The following LTN1 variants were observed in gnomAD, a reference collection of about 807,000 sequenced individuals.
LTN1 encodes E3 ubiquitin-protein ligase listerin.
In LTN1, 88 loss-of-function variants were observed where a neutral mutation model predicts 201.2. The ratio of observed to expected loss-of-function variants is 0.44; its 90% CI spans 0.37 to 0.52. The LOEUF (loss-of-function observed/expected upper bound fraction) is 0.52. LTN1 is among the 20% of genes least tolerant of loss of function. The probability of loss-of-function intolerance (pLI) is 0.00; values close to 1 mark genes in which losing one functional copy is unlikely to be tolerated. For synonymous variants in LTN1, 645 were observed against 713.5 expected (o/e 0.90, Z 1.53); for missense variants, 1,752 against 2,038.7 (o/e 0.86, Z 2.71).
At chr21:28,959,972 TA>T (rs536492491) in intron 12 of LTN1, 11,068 of 217,500 alleles carry the variant, frequency 0.051, no homozygotes, top group South Asian at 0.092. Context: ...CTTTATGAGC[TA>T]AAAAAAAAAA....
chr21:28,957,621 G>A (rs1161992550), intron 14 of LTN1, 145 bp from the exon 15 acceptor site: 32 of 442,722 alleles, frequency 7.2e-5, no homozygotes, highest in Middle Eastern at 5.9e-4. Context: ...TTCCCCCACC[G>A]ATGACACACC....
At chr21:28,964,553 G>A in intron 11 of LTN1, 1 of 1,487,660 alleles carries the variant, frequency 6.7e-7, no homozygotes, top group Non-Finnish European at 9.0e-7. Flanking sequence ...TTGCTTTATT[G>A]CTGTGGTGTG....
At chr21:28,981,649 A>G (rs2084659578) in intron 5 of LTN1, among the ~76,000 whole-genome samples, 1 of 152,266 alleles carries the variant, frequency 6.6e-6, no homozygotes. Flanking sequence ...AGAATATAGA[A>G]GTAAACAAAA....
intron 25 of LTN1, among the ~76,000 whole-genome samples, chr21:28,940,624 G>C (rs2084289833): frequency 6.6e-6 from 1 of 151,806 alleles, no homozygotes; most frequent in Admixed American, 6.6e-5. Context: ...TACTATGATA[G>C]TACAAAATTA....
intron 14 of LTN1, 89 bp from the exon 15 acceptor site, chr21:28,957,565 C>T: frequency 1.3e-6 from 1 of 789,526 alleles, no homozygotes; most frequent in Non-Finnish European, 1.8e-6. Flanking sequence ...TATAATAGCT[C>T]ACCTGAACAA....
chr21:28,960,446 C>T (rs970742642), intron 12 of LTN1, 71 bp downstream of exon 12: 16 of 1,210,112 alleles, frequency 1.3e-5, no homozygotes, highest in Admixed American at 2.1e-5. Context: ...ATAAGCTGAG[C>T]CCCATGCAAT....
In LTN1 at chr21:28,943,877, G is replaced by T; in HGVS notation, c.4010C>A (p.Ser1337Tyr). 6.2e-7 allele frequency: 1 copy of T among 1,611,648 alleles called. No homozygotes were observed. The highest frequency in any genetic ancestry group is 8.5e-7 in the Non-Finnish European group (1 of 1,177,854). Residue 1337 changes from serine to tyrosine, a missense_variant, in exon 23 of 30, where the codon TCC (serine) becomes TAC (tyrosine). Around this residue, in one of 3 missense-constraint regions of LTN1, gnomAD observed 1,211 missense variants for 1,312.8 expected, o/e 0.92. Coordinates refer to ENST00000361371, the MANE Select transcript of LTN1 (RefSeq NM_015565.3). The stretch of plus-strand genomic sequence containing the variant: ...GGGTTTCAGCATTGCATTCTGAAAG[G>T]ATGTTTCAGACACATCTTTGTTTTC... Reference protein sequence around the residue: ...TGENKDVSETSFQNAMLKPMC... With the variant: ...TGENKDVSETYFQNAMLKPMC...
intron 16 of LTN1, 65 bp downstream of exon 16, chr21:28,956,697 A>C (rs1355752396): frequency 3.6e-6 from 3 of 830,848 alleles, no homozygotes; most frequent in Non-Finnish European, 5.2e-6. Context: ...CAGTATAATC[A>C]AGATTATTTC....
At position 28,984,845 on chromosome 21, in the gene LTN1, A is replaced by T; in HGVS notation, c.423T>A (p.Ala141=). ...KLILKVKKQL[A]PYLKSLMGYW... ...ATCCCATTAAACTTTTTAAGTAGGG[A>T]GCCAACTGTTTCTTTACTTTAAGGA... is the stretch of plus-strand genomic sequence containing the variant. The change falls in exon 4 of 30, where the codon GCT becomes GCA. Residue 141 remains alanine, a synonymous_variant. Coordinates refer to ENST00000361371, the MANE Select transcript of LTN1 (RefSeq NM_015565.3). 2 of 1,614,130 alleles carry T rather than the reference A, an allele frequency of 1.2e-6. No homozygotes were observed. The highest frequency in any genetic ancestry group is 1.7e-6 in the Non-Finnish European group (2 of 1,180,002).
chr21:28,967,178 A>C lies in LTN1; in HGVS notation c.1313T>G (p.Leu438Trp). The C allele has an allele frequency of 6.3e-7, 1 of 1,596,556 alleles. No homozygotes were observed. Among genetic ancestry groups the C allele is most frequent in the South Asian group, 1.1e-5 (1 of 88,640 alleles). The change falls in exon 10 of 30, where the codon TTG becomes TGG. Residue 438 changes from leucine to tryptophan, a missense_variant and splice_region_variant. Physicochemically the swap from Leu to Trp is moderately conservative, Grantham distance 61. Coordinates refer to ENST00000361371, the MANE Select transcript of LTN1 (RefSeq NM_015565.3). ...GAGAACTGCATCAATAAAAGGGATCAACTGAAAGAAAAGGTAGAATATCAT... is the reference window on the plus strand; with the variant it reads ...GAGAACTGCATCAATAAAAGGGATCCACTGAAAGAAAAGGTAGAATATCAT... Reference protein sequence around the residue: ...EIEQMLVNDQLIPFIDAVLKD... With the variant: ...EIEQMLVNDQWIPFIDAVLKD...
At position 28,928,808 on chromosome 21, in the gene LTN1, T is replaced by A. The variant is rs1024529231; in HGVS notation, c.*1640A>T. On this transcript the variant is annotated 3_prime_UTR_variant, in exon 30 of 30. Transcript: ENST00000361371. ...TTGGGGTTTGGGCCAGAAGCCAAGA[T>A]GTACCAATACTGGAAAGGTTTTAAA... 1 of 152,342 alleles carries A rather than the reference T, an allele frequency of 6.6e-6. No individual in the cohort carries two copies. The highest frequency in any genetic ancestry group is 2.4e-5 in the African/African-American group (1 of 41,434). The allele number at this position is 152,342 out of a possible 1,614,324, so 9.4% of individuals were successfully genotyped here.
Position 28,986,151 on chromosome 21 carries a change from G to T in LTN1, c.333C>A (p.Cys111Ter). ...TTTTAATACTTACAAGTGAAATTTT[G>T]CAAAAAATTCTTGGCCAATATGGAA... ...GVLPYWPRIFCKISLDHDRRV... is the reference protein window; with the variant it reads ...GVLPYWPRIF The change falls in exon 3 of 30, where the codon TGC (cysteine) becomes TGA (stop). Residue 111 changes from cysteine (C) to a stop codon, truncating the protein, a stop_gained. Coordinates refer to ENST00000361371, the MANE Select transcript of LTN1 (RefSeq NM_015565.3). LOFTEE classifies it high-confidence loss of function. This position sits in a 1 kb window ranked among gnomAD's most constrained non-coding sequence, Gnocchi z 4.1. 6.2e-7 allele frequency: 1 copy of T among 1,606,878 alleles called. No individual in the cohort carries two copies. Among genetic ancestry groups the T allele is most frequent in the Non-Finnish European group, 8.5e-7 (1 of 1,173,682 alleles).
chr21:28,941,347 A>C lies in LTN1; in HGVS notation c.4355T>G (p.Val1452Gly). 6.2e-7 allele frequency: 1 copy of C among 1,613,608 alleles called. No individual in the cohort carries two copies. Among genetic ancestry groups the C allele is most frequent in the Non-Finnish European group, 8.5e-7 (1 of 1,179,776 alleles). Residue 1452 changes from valine to glycine, a missense_variant, in exon 25 of 30, where the codon GTT becomes GGT. Physicochemically the swap from Val to Gly is moderately radical, Grantham distance 109. This residue lies in a region of LTN1 where 1,211 missense variants were observed against 1,312.8 expected (regional missense o/e 0.92). Transcript: ENST00000361371. ...LSIQEDLLENVLGCIPVGQIV... is the reference protein window; with the variant it reads ...LSIQEDLLENGLGCIPVGQIV... ...CTGTCCAACAGGAATACACCCCAAA[A>C]CATTTTCTAGTAAGTCCTCTTGAAT...
intron 19 of LTN1, 133 bp downstream of exon 19, chr21:28,947,331 C>T: frequency 1.5e-6 from 1 of 687,554 alleles, no homozygotes. Flanking sequence ...TAACAACACT[C>T]ATCCATATAA....
chr21:28,984,013 G>C (rs945427241), intron 4 of LTN1, among the ~76,000 whole-genome samples: 7 of 152,156 alleles, frequency 4.6e-5, no homozygotes, highest in African/African-American at 1.7e-4. Flanking sequence ...TATGGCAAAA[G>C]TGTTAGCCCA....
chr21:28,964,660 T>C, intron 11 of LTN1: 3 of 1,550,470 alleles, frequency 1.9e-6, no homozygotes, highest in Non-Finnish European at 2.6e-6. Context: ...TAGTGAGTCA[T>C]GGAAGCGCAG....
At chr21:28,962,285 T>C (rs887368848) in intron 11 of LTN1, among the ~76,000 whole-genome samples, 2 of 152,234 alleles carry the variant, frequency 1.3e-5, no homozygotes, top group Non-Finnish European at 2.9e-5. Flanking sequence ...AATGCTGCAA[T>C]TTTAAAAATT....
At chr21:28,946,116 T>C (rs929956359) in intron 20 of LTN1, 36 bp downstream of exon 20, 4 of 1,543,494 alleles carry the variant, frequency 2.6e-6, no homozygotes, top group Non-Finnish European at 3.5e-6. Context: ...CTGAATTGTA[T>C]ACTGAAGGAA....
intron 3 of LTN1, among the ~76,000 whole-genome samples, chr21:28,985,639 T>C (rs1320854515): frequency 6.6e-6 from 1 of 151,070 alleles, no homozygotes; most frequent in Non-Finnish European, 1.5e-5. Flanking sequence ...ATGTTCTTCA[T>C]AACCCAACAC....
Sources: allele counts gnomAD v4.1 joint callset (sites outside exome capture counted in the v4.1 genomes callset), GRCh38; gene constraint gnomAD v4.1.1; regional missense constraint gnomAD v4.1.1; non-coding constraint Gnocchi (gnomAD v3.1); transcripts MANE v1.5; gene names NCBI Gene and HGNC (gene_info 2026-07-23, HGNC 2026-07-21).